ZBTB20: variants seen among roughly 807,000 people sequenced by gnomAD.
ZBTB20 encodes zinc finger and BTB domain containing 20, also known as zinc finger and BTB domain-containing protein 20.
In ZBTB20, 9 loss-of-function variants were observed where a neutral mutation model predicts 56.9. The ratio of observed to expected loss-of-function variants is 0.16; its 90% confidence interval spans 0.10 to 0.28. The LOEUF is 0.28. Among genes scored for constraint, ZBTB20 ranks in the 10% least tolerant of loss-of-function variants. The pLI is 1.00. For synonymous variants in ZBTB20, 417 were observed against 420.7 expected (o/e 0.99, Z 0.11); for missense variants, 655 against 1,003.0 (o/e 0.65, Z 4.69).
chr3:114,604,718 C>G (rs1028407849), intron 6 of ZBTB20, among the ~76,000 whole-genome samples: 2 of 151,844 alleles, frequency 1.3e-5, no homozygotes, highest in Non-Finnish European at 2.9e-5. Context: ...GTCTTTGGAG[C>G]AAAAAATGAT....
At chr3:114,537,259 C>T in intron 6 of ZBTB20, among the ~76,000 whole-genome samples, 1 of 151,990 alleles carries the variant, frequency 6.6e-6, no homozygotes, top group East Asian at 1.9e-4. Flanking sequence ...GGCTAATATC[C>T]AGAATCAACA....
chr3:114,972,461 AT>A (rs1478641285), intron 3 of ZBTB20, among the ~76,000 whole-genome samples: 16 of 152,296 alleles, frequency 1.1e-4, no homozygotes, highest in African/African-American at 3.6e-4. Flanking sequence ...TGAAATCCTG[AT>A]ATTTGTGAAG....
At chr3:114,697,371 T>A (rs1412683714) in intron 5 of ZBTB20, among the ~76,000 whole-genome samples, 1 of 151,978 alleles carries the variant, frequency 6.6e-6, no homozygotes, top group African/African-American at 2.4e-5. Context: ...AATTAACCCA[T>A]CATACAGGTC....
intron 6 of ZBTB20, among the ~76,000 whole-genome samples, chr3:114,537,885 G>T (rs2048663364): frequency 6.6e-6 from 1 of 152,044 alleles, no homozygotes; most frequent in South Asian, 2.1e-4. Flanking sequence ...CACAGAAACA[G>T]GAAACCAAAC....
intron 3 of ZBTB20, among the ~76,000 whole-genome samples, chr3:114,944,277 T>G (rs1020382685): frequency 6.9e-6 from 1 of 145,696 alleles, no homozygotes; most frequent in Non-Finnish European, 1.5e-5. Flanking sequence ...AGAACCACAA[T>G]GAGATCACCT....
chr3:115,087,651 C>A (rs2083037466), intron 1 of ZBTB20, among the ~76,000 whole-genome samples: 2 of 151,940 alleles, frequency 1.3e-5, no homozygotes, highest in Non-Finnish European at 2.9e-5. Context: ...AACCCCAACA[C>A]TGAAAACTGC....
At position 114,969,849 on chromosome 3, in the gene ZBTB20, G is replaced by A. The variant is rs181517652; in HGVS notation, c.-456+4517C>T. Among the ~76,000 whole-genome samples the A allele has an allele frequency of 6.1e-4, 93 of 152,258 alleles. 1 individual carries two copies. Among genetic ancestry groups the A allele is most frequent in the African/African-American group, 2.2e-3 (92 of 41,546 alleles). Reference sequence around the variant, plus strand: ...CTGAACTATGAACCCAATACTTCATGTACCAAGAGATTTTTCTGATACATG... The same window carrying A: ...CTGAACTATGAACCCAATACTTCATATACCAAGAGATTTTTCTGATACATG... On this transcript the variant is annotated intron_variant, in intron 3 of 11. Coordinates refer to ENST00000675478, the MANE Select transcript of ZBTB20 (RefSeq NM_001348800.3).
chr3:114,611,357 T>C (rs2057536128), intron 6 of ZBTB20, among the ~76,000 whole-genome samples: 1 of 152,204 alleles, frequency 6.6e-6, no homozygotes, highest in Admixed American at 6.5e-5. Flanking sequence ...GAGTCTTGCA[T>C]ATCAGAAACT....
intron 7 of ZBTB20, among the ~76,000 whole-genome samples, chr3:114,459,510 A>G (rs1463923016): frequency 6.6e-6 from 1 of 152,192 alleles, no homozygotes; most frequent in Non-Finnish European, 1.5e-5. Context: ...GAGCTCTTCC[A>G]GGACAAGGTC....
intron 10 of ZBTB20, among the ~76,000 whole-genome samples, chr3:114,365,896 T>C (rs1410177947): frequency 6.6e-6 from 1 of 152,196 alleles, no homozygotes; most frequent in Non-Finnish European, 1.5e-5. Context: ...AGGGTATTTG[T>C]GATACACTTT....
At chr3:114,889,306 A>G (rs2076719323) in intron 4 of ZBTB20, among the ~76,000 whole-genome samples, 1 of 151,952 alleles carries the variant, frequency 6.6e-6, no homozygotes, top group Non-Finnish European at 1.5e-5. Context: ...AAAACTGCAA[A>G]TATCAAATTC....
intron 4 of ZBTB20, among the ~76,000 whole-genome samples, chr3:114,833,571 C>T (rs1361308251): frequency 6.6e-6 from 1 of 151,794 alleles, no homozygotes; most frequent in African/African-American, 2.4e-5. Context: ...ACTCTATCAC[C>T]TAGGCTGGAG....
chr3:115,028,720 T>G (rs988835849), intron 2 of ZBTB20, among the ~76,000 whole-genome samples: 3 of 150,558 alleles, frequency 2.0e-5, no homozygotes, highest in Non-Finnish European at 4.5e-5. Context: ...TTTATATAAG[T>G]ATGATTTTAA....
intron 5 of ZBTB20, among the ~76,000 whole-genome samples, chr3:114,745,424 C>T (rs1475355182): frequency 1.3e-5 from 2 of 152,126 alleles, no homozygotes; most frequent in Non-Finnish European, 2.9e-5. Context: ...TCCTCTTACA[C>T]ATAAGGGAAG....
chr3:114,662,514 CCCA>C (rs1276794588), intron 6 of ZBTB20, among the ~76,000 whole-genome samples: 1 of 144,972 alleles, frequency 6.9e-6, no homozygotes, highest in African/African-American at 2.6e-5. Flanking sequence ...AGTTTACAGT[CCCA>C]CCAACAGTGT....
intron 1 of ZBTB20, among the ~76,000 whole-genome samples, chr3:115,079,328 A>T (rs1242427506): frequency 6.6e-6 from 1 of 152,200 alleles, no homozygotes; most frequent in Non-Finnish European, 1.5e-5. Flanking sequence ...ATGTGCGCAT[A>T]GCTACAAAAT....
intron 5 of ZBTB20, among the ~76,000 whole-genome samples, chr3:114,780,582 G>A (rs1034974237): frequency 5.9e-5 from 9 of 152,120 alleles, no homozygotes; most frequent in African/African-American, 2.4e-5. Context: ...CCACCTCCCG[G>A]GTTCAAGCGA....
At chr3:115,050,256 GA>G (rs1413100107) in intron 2 of ZBTB20, among the ~76,000 whole-genome samples, 2 of 151,878 alleles carry the variant, frequency 1.3e-5, no homozygotes, top group African/African-American at 4.8e-5. Flanking sequence ...AGTTAGGATT[GA>G]AAATTAACAT....
At chr3:115,117,443 T>C (rs1235427822) in intron 1 of ZBTB20, among the ~76,000 whole-genome samples, 1 of 152,180 alleles carries the variant, frequency 6.6e-6, no homozygotes, top group East Asian at 1.9e-4. Flanking sequence ...TATCTAAATG[T>C]TGGTTTCTAC....
Sources: allele counts gnomAD v4.1 joint callset (sites outside exome capture counted in the v4.1 genomes callset), GRCh38; gene constraint gnomAD v4.1.1; transcripts MANE v1.5; gene names NCBI Gene and HGNC (gene_info 2026-07-23, HGNC 2026-07-21).